The following MYO5A variants were observed in gnomAD, a reference collection of about 807,000 sequenced individuals.
MYO5A encodes myosin VA.
MYO5A carries 98 observed loss-of-function variants against 249.7 expected under a neutral mutation model. That is an observed-to-expected ratio of 0.39 (90% CI 0.33 to 0.46). The LOEUF (loss-of-function observed/expected upper bound fraction) is 0.46, where lower values mean the gene tolerates loss of function less well. Among genes scored for constraint, MYO5A ranks in the 20% least tolerant of loss-of-function variants. The pLI, the probability that MYO5A is intolerant of heterozygous loss-of-function variation, is 0.98. For missense variants in MYO5A, 1,696 were observed against 2,308.8 expected, an observed-to-expected ratio of 0.73 and a Z score of 5.44; for synonymous variants, 778 against 810.6, an observed-to-expected ratio of 0.96 and a Z score of 0.68.
intron 1 of MYO5A, among the ~76,000 whole-genome samples, chr15:52,486,598 T>C (rs1351636704): frequency 6.7e-6 from 1 of 150,092 alleles, no homozygotes; most frequent in African/African-American, 2.4e-5. Flanking sequence ...CAAGAGACTC[T>C]TGGGGATTTT....
At chr15:52,400,536 A>C (rs1404175703) in intron 9 of MYO5A, among the ~76,000 whole-genome samples, 2 of 152,238 alleles carry the variant, frequency 1.3e-5, no homozygotes, top group African/African-American at 4.8e-5. Context: ...ATCCAGGATC[A>C]TGCATTGAAT....
At position 52,343,113 on chromosome 15, in the gene MYO5A, T is replaced by G. The variant is rs367925425; in HGVS notation, c.4040+4A>C. On this transcript the variant is annotated splice_donor_region_variant and intron_variant, in intron 31 of 41. Coordinates refer to ENST00000399233, the MANE Select transcript of MYO5A (RefSeq NM_001382347.1). ...ACATTCCATTTTGAGGAGACAAATA[T>G]AACCTGTTGGCTTGTTTTAACCCTT... The G allele has an allele frequency of 1.2e-6, 2 of 1,607,196 alleles. No individual in the cohort carries two copies. Among genetic ancestry groups the G allele is most frequent in the Non-Finnish European group, 1.7e-6 (2 of 1,173,664 alleles).
intron 1 of MYO5A, among the ~76,000 whole-genome samples, chr15:52,466,559 G>T (rs939430018): frequency 6.6e-6 from 1 of 152,196 alleles, no homozygotes; most frequent in African/African-American, 2.4e-5. Flanking sequence ...AGGGAAGCAG[G>T]TCCCATGTCT....
In MYO5A at chr15:52,351,449, C is replaced by T. The variant is rs1359876468; in HGVS notation, c.3654G>A (p.Leu1218=). 6.2e-7 allele frequency: 1 copy of T among 1,614,180 alleles called. No individual in the cohort carries two copies. The highest frequency in any genetic ancestry group is 8.5e-7 in the Non-Finnish European group (1 of 1,180,022). ...RQELESENKK[L]KNELNELRKA... ...TGCGCAACTCATTTAGCTCATTCTT[C>T]AGTTTTTTGTTTTCTGATTCTAGTT... Residue 1218 remains leucine (L), a synonymous_variant, in exon 28 of 42, where the codon CTG becomes CTA. Transcript: ENST00000399233.
chr15:52,338,177 T>C (rs2039210656), intron 32 of MYO5A, among the ~76,000 whole-genome samples: 1 of 151,630 alleles, frequency 6.6e-6, no homozygotes, highest in Non-Finnish European at 1.5e-5. Context: ...ACCTCCTGCC[T>C]TTTTACTCCC....
In MYO5A at chr15:52,340,394, C is replaced by A. The variant is rs1225330305; in HGVS notation, c.4041G>T (p.Arg1347Ser). The change falls in exon 32 of 42, where the codon AGG (arginine) becomes AGT (serine). Residue 1347 changes from arginine (R) to serine (S), a missense_variant and splice_region_variant. By Grantham distance (110) the Arg-to-Ser change is moderately radical (BLOSUM62 -1). Transcript: ENST00000399233. ...LVYEGLKQANRLLESQLQSQK... is the reference protein window; with the variant it reads ...LVYEGLKQANSLLESQLQSQK... The stretch of plus-strand genomic sequence containing the variant: ...GTGACTGCAGCTGGGATTCCAGGAG[C>A]CTGCGGAGAGGACACATGGGTCGGA... The A allele has an allele frequency of 5.6e-6, 9 of 1,611,826 alleles. No individual in the cohort carries two copies.
At chr15:52,375,595 C>A in intron 19 of MYO5A, 135 bp from the exon 20 acceptor site, 1 of 936,096 alleles carries the variant, frequency 1.1e-6, no homozygotes, top group Non-Finnish European at 1.6e-6. Context: ...AATGTGCATG[C>A]TAAGTCAACA....
At chr15:52,469,803 C>T (rs1236334418) in intron 1 of MYO5A, among the ~76,000 whole-genome samples, 9 of 152,150 alleles carry the variant, frequency 5.9e-5, no homozygotes, top group African/African-American at 1.7e-4. Context: ...GACACTGCTA[C>T]TTCTGTATCT....
Position 52,405,344 on chromosome 15 carries a change from G to A in MYO5A, c.996C>T (p.Ile332=), listed in dbSNP as rs761552190. The change falls in exon 9 of 42, where the codon ATC becomes ATT. Residue 332 remains isoleucine (I), a synonymous_variant. Coordinates refer to ENST00000399233, the MANE Select transcript of MYO5A (RefSeq NM_001382347.1). ...TAAATCCAACATTGCCTAAGTGAAGGATGCCAGCAAGTATTCGGAAAATTC... is the reference window on the plus strand; with the variant it reads ...TAAATCCAACATTGCCTAAGTGAAGAATGCCAGCAAGTATTCGGAAAATTC... ...QMGIFRILAG[I]LHLGNVGFTS... is the part of the protein sequence containing the mutation. 6.2e-7 allele frequency: 1 copy of A among 1,613,778 alleles called. No individual in the cohort carries two copies. Among genetic ancestry groups the A allele is most frequent in the African/African-American group, 1.3e-5 (1 of 74,886 alleles).
At position 52,378,515 on chromosome 15, in the gene MYO5A, C is replaced by CAA. The variant is rs55803737; in HGVS notation, c.2208+1108_2208+1109dup. On this transcript the variant is annotated intron_variant, in intron 18 of 41. Transcript: ENST00000399233. ...CCTGGGTGAAAGAGCAAGACTGTCT[C>CAA]AAAAAAAAAAAAAAAAGAAGGGAAT... Among the ~76,000 whole-genome samples, 25 of 10,488 alleles carry CAA rather than the reference C, an allele frequency of 2.4e-3. 5 individuals carry two copies. Among genetic ancestry groups the CAA allele is most frequent in the Admixed American group, 0.019 (5 of 270 alleles). 6.9% of individuals were successfully genotyped at this position (10,488 alleles called of 152,430 possible).
chr15:52,474,460 T>C (rs1451572508), intron 1 of MYO5A, among the ~76,000 whole-genome samples: 1 of 152,242 alleles, frequency 6.6e-6, no homozygotes, highest in Non-Finnish European at 1.5e-5. Flanking sequence ...CATCCCTGTC[T>C]TGTGCCAGTT....
chr15:52,521,702 G>A (rs1230594324), intron 1 of MYO5A, among the ~76,000 whole-genome samples: 1 of 152,200 alleles, frequency 6.6e-6, no homozygotes, highest in African/African-American at 2.4e-5. Context: ...TGCTGTACAA[G>A]GAGATATTTA....
intron 22 of MYO5A, 138 bp from the exon 23 acceptor site, chr15:52,367,262 C>A (rs766716575): frequency 5.2e-6 from 4 of 772,702 alleles, no homozygotes; most frequent in Non-Finnish European, 6.6e-6. Flanking sequence ...TGTCTAGTCA[C>A]CTTACAAACT....
At chr15:52,407,433 A>T in intron 7 of MYO5A, 34 bp from the exon 8 acceptor site, 1 of 1,534,792 alleles carries the variant, frequency 6.5e-7, no homozygotes, top group East Asian at 2.3e-5. Context: ...TTTCTGGTTT[A>T]TGAAAAAGCC....
chr15:52,473,385 G>A, intron 1 of MYO5A, among the ~76,000 whole-genome samples: 1 of 152,188 alleles, frequency 6.6e-6, no homozygotes, highest in East Asian at 1.9e-4. Flanking sequence ...CTGTGCAGAA[G>A]CTCTTTAGTT....
intron 1 of MYO5A, among the ~76,000 whole-genome samples, chr15:52,459,146 A>ATT (rs199923318): frequency 0.11 from 5,269 of 48,694 alleles, 314 homozygotes; most frequent in Non-Finnish European, 0.16. Context: ...ATTTTCCAGA[A>ATT]ATTTTTTTTT....
chr15:52,460,080 C>T (rs2076213508), intron 1 of MYO5A, among the ~76,000 whole-genome samples: 1 of 150,842 alleles, frequency 6.6e-6, no homozygotes, highest in Non-Finnish European at 1.5e-5. Context: ...CCCCACATCC[C>T]AGATGATGGG....
chr15:52,408,213 T>A (rs186099011), intron 6 of MYO5A, 73 bp from the exon 7 acceptor site: 440 of 853,228 alleles, frequency 5.2e-4, no homozygotes, highest in Non-Finnish European at 7.8e-4. Context: ...TAAAATAAGA[T>A]TTTAATATTT....
chr15:52,437,594 CAAAAAAA>C (rs57299562), intron 1 of MYO5A, among the ~76,000 whole-genome samples: 11 of 73,908 alleles, frequency 1.5e-4, no homozygotes, highest in Non-Finnish European at 2.2e-4. Context: ...GACTCCATCT[CAAAAAAA>C]AAAAAAAAAA....
Sources: allele counts gnomAD v4.1 joint callset (sites outside exome capture counted in the v4.1 genomes callset), GRCh38; gene constraint gnomAD v4.1.1; transcripts MANE v1.5; gene names NCBI Gene and HGNC (gene_info 2026-07-23, HGNC 2026-07-21).